BRD10: variants seen among roughly 807,000 people sequenced by gnomAD.
The protein encoded by BRD10 is uncharacterized bromodomain-containing protein 10.
At chr9:5,929,181 A>G in the BRD10 span, 1 of 1,179,110 alleles carries the variant, frequency 8.5e-7, no homozygotes, top group Admixed American at 1.8e-5. Context: ...GTTTAAAGTA[A>G]ATCCCTTAGA....
chr9:5,915,171 A>T, the BRD10 span, among the ~76,000 whole-genome samples: 7 of 152,128 alleles, frequency 4.6e-5, no homozygotes, highest in African/African-American at 7.2e-5. Flanking sequence ...ACCTTTCTTT[A>T]TCCTTCTCAA....
chr9:5,916,102 A>C, the BRD10 span, among the ~76,000 whole-genome samples: 1 of 152,198 alleles, frequency 6.6e-6, no homozygotes, highest in Non-Finnish European at 1.5e-5. Flanking sequence ...TGCTGAATAA[A>C]TGTGTAAGAA....
chr9:5,984,684 A>G, the BRD10 span, among the ~76,000 whole-genome samples: 1 of 152,192 alleles, frequency 6.6e-6, no homozygotes, highest in African/African-American at 2.4e-5. Flanking sequence ...ATTTCTAGAT[A>G]TATTAGCAAT....
chr9:5,910,892 G>A, the BRD10 span, among the ~76,000 whole-genome samples: 10 of 152,148 alleles, frequency 6.6e-5, no homozygotes, highest in African/African-American at 1.4e-4. Flanking sequence ...ATGATGCAAG[G>A]AGCCTGGGTC....
the BRD10 span, among the ~76,000 whole-genome samples, chr9:5,902,404 T>A: frequency 6.6e-6 from 1 of 152,198 alleles, no homozygotes; most frequent in Non-Finnish European, 1.5e-5. Flanking sequence ...TTATTGATCT[T>A]TTCCCAGAAT....
At chr9:5,958,692 T>C in the BRD10 span, among the ~76,000 whole-genome samples, 1 of 152,318 alleles carries the variant, frequency 6.6e-6, no homozygotes, top group East Asian at 1.9e-4. Flanking sequence ...ATTTAGCCTT[T>C]CCATGTTTTA....
the BRD10 span, among the ~76,000 whole-genome samples, chr9:5,991,231 C>T: frequency 6.6e-6 from 1 of 151,420 alleles, no homozygotes; most frequent in South Asian, 2.1e-4. Flanking sequence ...TACTAGATGC[C>T]ATATGTGTAT....
chr9:5,896,751 G>C, the BRD10 span, among the ~76,000 whole-genome samples: 1 of 152,298 alleles, frequency 6.6e-6, no homozygotes, highest in East Asian at 1.9e-4. Flanking sequence ...TGGTAACTTT[G>C]TGGTAACTGT....
the BRD10 span, among the ~76,000 whole-genome samples, chr9:5,933,600 A>G: frequency 6.6e-6 from 1 of 152,348 alleles, no homozygotes; most frequent in South Asian, 2.1e-4. Context: ...CCTTCATTAT[A>G]TCATGCAGTT....
the BRD10 span, among the ~76,000 whole-genome samples, chr9:5,941,346 C>T: frequency 6.6e-6 from 1 of 151,958 alleles, no homozygotes; most frequent in Non-Finnish European, 1.5e-5. Flanking sequence ...AAAATAAAAA[C>T]AAAATGTTCT....
chr9:5,981,059 G>A, the BRD10 span, among the ~76,000 whole-genome samples: 1 of 152,178 alleles, frequency 6.6e-6, no homozygotes. Flanking sequence ...ACTCTTGACA[G>A]GGTATTAGAT....
the BRD10 span, among the ~76,000 whole-genome samples, chr9:5,938,280 A>G: frequency 6.6e-6 from 1 of 152,078 alleles, no homozygotes; most frequent in Non-Finnish European, 1.5e-5. Context: ...ATCTCTTCCA[A>G]AAGATACAAA....
chr9:5,952,199 T>C, the BRD10 span, among the ~76,000 whole-genome samples: 1 of 151,926 alleles, frequency 6.6e-6, no homozygotes, highest in Non-Finnish European at 1.5e-5. Context: ...TTTTTTTGTA[T>C]TTTTAGTAGA....
At chr9:5,952,719 C>T in the BRD10 span, among the ~76,000 whole-genome samples, 1 of 152,184 alleles carries the variant, frequency 6.6e-6, no homozygotes, top group East Asian at 1.9e-4. Flanking sequence ...CTAACATCTA[C>T]ATTCCCAGGG....
the BRD10 span, among the ~76,000 whole-genome samples, chr9:5,997,884 T>C: frequency 0.85 from 129,020 of 152,158 alleles, 55,717 homozygotes; most frequent in Non-Finnish European, 0.93. Context: ...ACACAAAAAG[T>C]AAGCACACAC....
At chr9:5,971,797 C>T in the BRD10 span, among the ~76,000 whole-genome samples, 2 of 152,044 alleles carry the variant, frequency 1.3e-5, no homozygotes, top group African/African-American at 4.8e-5. Flanking sequence ...AGAGCTAGGA[C>T]TCCAAAAGCA....
chr9:5,937,491 T>C, the BRD10 span, among the ~76,000 whole-genome samples: 1 of 152,070 alleles, frequency 6.6e-6, no homozygotes, highest in African/African-American at 2.4e-5. Flanking sequence ...GCCGAGATCA[T>C]GCCACTGCAC....
chr9:5,970,862 G>A, the BRD10 span, among the ~76,000 whole-genome samples: 1 of 151,926 alleles, frequency 6.6e-6, no homozygotes, highest in Non-Finnish European at 1.5e-5. Flanking sequence ...GACCAGCCAG[G>A]CCAACGTGGT....
chr9:5,968,169 T>G, the BRD10 span: 2 of 1,605,564 alleles, frequency 1.2e-6, no homozygotes, highest in Non-Finnish European at 1.7e-6. Flanking sequence ...TTCTTTTTTT[T>G]CTTTTTCTTC....
Sources: gnomAD v4.1 joint callset for allele counts (sites outside exome capture counted in the v4.1 genomes callset) on GRCh38, gnomAD v4.1.1 for gene constraint, MANE v1.5 for transcripts, NCBI Gene and HGNC (gene_info 2026-07-23, HGNC 2026-07-21) for gene names.